The following SH3GL1 variants were observed in gnomAD, a reference collection of about 807,000 sequenced individuals.
SH3GL1 encodes SH3 domain containing GRB2 like 1, endophilin A2.
Under a neutral mutation model 48.8 loss-of-function variants are expected in SH3GL1, and 21 were observed. The observed-to-expected ratio is 0.43, with a 90% CI of 0.30 to 0.62. The LOEUF is 0.62. Among genes scored for constraint, SH3GL1 ranks in the 20% least tolerant of loss-of-function variants. SH3GL1 has a pLI of 0.11. For synonymous variants in SH3GL1, 282 were observed against 217.5 expected, an observed-to-expected ratio of 1.30 and a Z score of -2.61; for missense variants, 454 against 503.0, an observed-to-expected ratio of 0.90 and a Z score of 0.93.
At position 4,367,112 on chromosome 19, in the gene SH3GL1, T is replaced by C. The variant is rs933874359; in HGVS notation, c.46-118A>G. ...CCACAGCTGGAGGCAGGAGGCCAAG[T>C]GATCAGGACACACACCTCAGGCACT... On this transcript the variant is annotated intron_variant, in intron 1 of 9. Transcript: ENST00000269886. The surrounding 1 kb of genome is among the most constrained non-coding windows in gnomAD (Gnocchi z 4.2). 1.1e-5 allele frequency: 10 copies of C among 904,590 alleles called. No individual in the cohort carries two copies. The allele number at this position is 904,590 out of a possible 1,614,324, so 56.0% of individuals were successfully genotyped here. A position where few individuals can be genotyped will look rare whatever the true frequency, so the allele number is the denominator to read the frequency against.
At position 4,367,753 on chromosome 19, in the gene SH3GL1, G is replaced by A. The variant is rs1972813835; in HGVS notation, c.46-759C>T. On this transcript the variant is annotated intron_variant, in intron 1 of 9. Coordinates refer to ENST00000269886, the MANE Select transcript of SH3GL1 (RefSeq NM_003025.4). The surrounding 1 kb of genome is among the most constrained non-coding windows in gnomAD (Gnocchi z 4.2). Reference sequence around the variant, plus strand: ...CACTCCCTCTGACAGCGCCTGGGATGCGAAAAACAGCCCTGAAATGTCCCA... The same window carrying A: ...CACTCCCTCTGACAGCGCCTGGGATACGAAAAACAGCCCTGAAATGTCCCA... 6.6e-6 allele frequency among the ~76,000 whole-genome samples: 1 copy of A among 152,238 alleles called. No individual in the cohort carries two copies. The highest frequency in any genetic ancestry group is 6.5e-5 in the Admixed American group (1 of 15,286).
At chr19:4,398,878 C>A (rs1413033590) in intron 1 of SH3GL1, among the ~76,000 whole-genome samples, 3 of 152,170 alleles carry the variant, frequency 2.0e-5, no homozygotes, top group African/African-American at 7.2e-5. Context: ...TAAAACTAAT[C>A]CCACTGGTGA....
In SH3GL1 at chr19:4,366,529, C is replaced by T. The variant is rs1284593612; in HGVS notation, c.159G>A (p.Arg53=). The change falls in exon 3 of 10, where the codon AGG becomes AGA. Residue 53 remains arginine (R), a synonymous_variant. Transcript: ENST00000269886. ...TSKAVTEVLA[R]TIEYLQPNPA... is the part of the protein sequence containing the mutation. ...GGTTGGGCTGCAGGTACTCGATGGTCCTGGCCAGCACTTCTGTCACCGCCT... is the reference window on the plus strand; with the variant it reads ...GGTTGGGCTGCAGGTACTCGATGGTTCTGGCCAGCACTTCTGTCACCGCCT... 6.2e-7 allele frequency: 1 copy of T among 1,611,774 alleles called. No individual in the cohort carries two copies. Among genetic ancestry groups the T allele is most frequent in the Non-Finnish European group, 8.5e-7 (1 of 1,179,622 alleles).
chr19:4,361,506 C>A lies in SH3GL1; in HGVS notation c.*94G>T. ...CAGGTGGCGCCGGCAGGCTCAGACA[C>A]CGCCCTGGCAGCAGGGGCTCCGTGG... On this transcript the variant is annotated 3_prime_UTR_variant, in exon 10 of 10. Coordinates refer to ENST00000269886, the MANE Select transcript of SH3GL1 (RefSeq NM_003025.4). The A allele has an allele frequency of 2.0e-6, 2 of 1,011,576 alleles. No individual in the cohort carries two copies. Among genetic ancestry groups the A allele is most frequent in the Non-Finnish European group, 2.9e-6 (2 of 687,414 alleles). 62.7% of individuals were successfully genotyped at this position (1,011,576 alleles called of 1,614,324 possible). A position where few individuals can be genotyped will look rare whatever the true frequency, so the allele number is the denominator to read the frequency against.
At chr19:4,388,176 T>C (rs149703900) in intron 1 of SH3GL1, among the ~76,000 whole-genome samples, 3 of 152,124 alleles carry the variant, frequency 2.0e-5, no homozygotes, top group Non-Finnish European at 4.4e-5. Flanking sequence ...GTTACTGTTA[T>C]TGAGCAAGGA....
At position 4,364,120 on chromosome 19, in the gene SH3GL1, T is replaced by C; in HGVS notation, c.433A>G (p.Asn145Asp). Residue 145 changes from asparagine (N) to aspartate (D), a missense_variant, in exon 5 of 10, where the codon AAC (asparagine) becomes GAC (aspartate). Coordinates refer to ENST00000269886, the MANE Select transcript of SH3GL1 (RefSeq NM_003025.4). Reference protein sequence around the residue: ...VKQNFIDPLQNLCEKDLKEIQ... With the variant: ...VKQNFIDPLQDLCEKDLKEIQ... ...TCCTTCAGGTCTTTCTCGCACAGGT[T>C]CTGGAGGGGGTCAATGAAGTTCTGC... 1 of 1,613,536 alleles carries C rather than the reference T, an allele frequency of 6.2e-7. No homozygotes were observed. Among genetic ancestry groups the C allele is most frequent in the Non-Finnish European group, 8.5e-7 (1 of 1,179,996 alleles).
At chr19:4,384,699 G>A (rs1973202553) in intron 1 of SH3GL1, among the ~76,000 whole-genome samples, 1 of 152,194 alleles carries the variant, frequency 6.6e-6, no homozygotes, top group African/African-American at 2.4e-5. Flanking sequence ...CCACTGGCTG[G>A]AGAACGGATA....
chr19:4,384,433 A>G (rs1321287181), intron 1 of SH3GL1, among the ~76,000 whole-genome samples: 2 of 152,188 alleles, frequency 1.3e-5, no homozygotes, highest in African/African-American at 4.8e-5. Context: ...CGGTCATGCA[A>G]ATTGAACAGG....
At chr19:4,365,276 G>A (rs1972749021) in intron 4 of SH3GL1, among the ~76,000 whole-genome samples, 1 of 152,192 alleles carries the variant, frequency 6.6e-6, no homozygotes, top group Non-Finnish European at 1.5e-5. Context: ...GGGAAGGTCT[G>A]GAGCTACAGG....
chr19:4,393,806 A>C (rs1179121955), intron 1 of SH3GL1, among the ~76,000 whole-genome samples: 3 of 152,010 alleles, frequency 2.0e-5, no homozygotes, highest in Non-Finnish European at 4.4e-5. Context: ...ACAAAAAATT[A>C]ATATTAAAAT....
intron 1 of SH3GL1, among the ~76,000 whole-genome samples, chr19:4,374,915 C>A (rs527521214): frequency 6.6e-6 from 1 of 152,302 alleles, no homozygotes; most frequent in Admixed American, 6.5e-5. Context: ...GCTCCCTCAC[C>A]GCCCGTCTGG....
At chr19:4,365,406 G>T in intron 4 of SH3GL1, 76 bp downstream of exon 4, 2 of 1,586,536 alleles carry the variant, frequency 1.3e-6, no homozygotes, top group Non-Finnish European at 1.7e-6. Flanking sequence ...CACATGCAGG[G>T]CCTGGACCTG....
Position 4,400,444 on chromosome 19 carries a change from G to C in SH3GL1, c.-76C>G. On this transcript the variant is annotated 5_prime_UTR_variant, in exon 1 of 10. Coordinates refer to ENST00000269886, the MANE Select transcript of SH3GL1 (RefSeq NM_003025.4). The surrounding 1 kb of genome is among the most constrained non-coding windows in gnomAD (Gnocchi z 4.1). Reference sequence around the variant, plus strand: ...CCCGGGCGCCGCCGACCCTCTGCGCGCCTCAGCAGTCCCCGTCGGCGCCGC... The same window carrying C: ...CCCGGGCGCCGCCGACCCTCTGCGCCCCTCAGCAGTCCCCGTCGGCGCCGC... 1.5e-6 allele frequency: 2 copies of C among 1,324,980 alleles called. No individual in the cohort carries two copies. Among genetic ancestry groups the C allele is most frequent in the Non-Finnish European group, 1.9e-6 (2 of 1,029,994 alleles). The allele number at this position is 1,324,980 out of a possible 1,614,324, so 82.1% of individuals were successfully genotyped here.
At chr19:4,390,871 C>G (rs1200292821) in intron 1 of SH3GL1, among the ~76,000 whole-genome samples, 1 of 152,118 alleles carries the variant, frequency 6.6e-6, no homozygotes, top group Non-Finnish European at 1.5e-5. Flanking sequence ...CGGGCAGCGC[C>G]GAAACCTGCG....
chr19:4,387,145 C>T (rs1454726370), intron 1 of SH3GL1, among the ~76,000 whole-genome samples: 1 of 152,036 alleles, frequency 6.6e-6, no homozygotes, highest in Non-Finnish European at 1.5e-5. Flanking sequence ...ACCGTGTTAG[C>T]CAGGATGGTC....
At chr19:4,385,999 G>A (rs1031795406) in intron 1 of SH3GL1, among the ~76,000 whole-genome samples, 1 of 152,186 alleles carries the variant, frequency 6.6e-6, no homozygotes, top group African/African-American at 2.4e-5. Context: ...AATAATAGCA[G>A]GGATTCTCAA....
rs184363254 is a variant in SH3GL1 at position 4,376,224 on chromosome 19, C to T, written c.46-9230G>A. ...TAAGATCCCTTCCATTTCTGAAGGA[C>T]TTCCATTTCTTTGTGACTGTGGGCC... On this transcript the variant is annotated intron_variant, in intron 1 of 9. Transcript: ENST00000269886. This position sits in a 1 kb window ranked among gnomAD's most constrained non-coding sequence, Gnocchi z 4.3. Among the ~76,000 whole-genome samples the T allele has an allele frequency of 6.0e-4, 91 of 152,260 alleles. 1 individual carries two copies. Among genetic ancestry groups the T allele is most frequent in the East Asian group, 7.7e-4 (4 of 5,174 alleles).
intron 1 of SH3GL1, among the ~76,000 whole-genome samples, chr19:4,370,967 T>C (rs1972888204): frequency 1.3e-5 from 2 of 152,258 alleles, no homozygotes; most frequent in African/African-American, 4.8e-5. Flanking sequence ...GCCCACTCTA[T>C]GCTCACGCAT....
rs776637003 is a variant in SH3GL1 at position 4,361,800 on chromosome 19, G to A, written c.911-4C>T. ...CAGCTCGGCTGGTCCAGGGGCGCTG[G>A]GGGCGGGAGCGGGCTGTGGGGCTGG... On this transcript the variant is annotated splice_polypyrimidine_tract_variant and splice_region_variant and intron_variant, in intron 9 of 9. Transcript: ENST00000269886. The A allele has an allele frequency of 6.2e-7, 1 of 1,603,164 alleles. No homozygotes were observed. The highest frequency in any genetic ancestry group is 1.7e-5 in the Admixed American group (1 of 59,944).
Sources: gnomAD v4.1 joint callset for allele counts (sites outside exome capture counted in the v4.1 genomes callset) on GRCh38, gnomAD v4.1.1 for gene constraint, Gnocchi (gnomAD v3.1) non-coding constraint, MANE v1.5 for transcripts, NCBI Gene and HGNC (gene_info 2026-07-23, HGNC 2026-07-21) for gene names.